The following CCAR1 variants were observed in gnomAD, a reference collection of about 807,000 sequenced individuals.
CCAR1 encodes cell division cycle and apoptosis regulator 1.
A neutral mutation model predicts 163.8 loss-of-function variants in CCAR1; 78 were observed. The observed-to-expected ratio is 0.48, with a 90% CI of 0.40 to 0.57. The LOEUF (loss-of-function observed/expected upper bound fraction) is 0.57. Among genes scored for constraint, CCAR1 ranks in the 20% least tolerant of loss-of-function variants. CCAR1 has a pLI of 0.00. For missense variants in CCAR1, 1,019 were observed against 1,365.2 expected, an observed-to-expected ratio of 0.75 and a Z score of 4.00; for synonymous variants, 443 against 460.7, an observed-to-expected ratio of 0.96 and a Z score of 0.49.
At chr10:68,750,084 T>TA (rs1292435133) in intron 10 of CCAR1, among the ~76,000 whole-genome samples, 1 of 152,168 alleles carries the variant, frequency 6.6e-6, no homozygotes, top group Non-Finnish European at 1.5e-5. Flanking sequence ...GAAACATTGA[T>TA]ATGCGTATAT....
intron 19 of CCAR1, among the ~76,000 whole-genome samples, chr10:68,779,781 A>G (rs763617343): frequency 2.6e-5 from 4 of 152,224 alleles, no homozygotes; most frequent in African/African-American, 7.2e-5. Context: ...TATGGAATCA[A>G]TCTGAATAGG....
intron 16 of CCAR1, among the ~76,000 whole-genome samples, chr10:68,761,675 T>C (rs2056472783): frequency 6.6e-6 from 1 of 151,670 alleles, no homozygotes; most frequent in African/African-American, 2.4e-5. Flanking sequence ...CGATCTTGGC[T>C]CACCACAACC....
At position 68,792,055 on chromosome 10, in the gene CCAR1, GAGTGAAACTCCATCTCAAAA is replaced by G. The variant is rs1326827579; in HGVS notation, c.*792_*811del. The G allele has an allele frequency of 6.7e-6, 1 of 149,056 alleles. No homozygotes were observed. The highest frequency in any genetic ancestry group is 1.5e-5 in the Non-Finnish European group (1 of 67,562). 9.2% of individuals were successfully genotyped at this position (149,056 alleles called of 1,614,324 possible). A position where few individuals can be genotyped will look rare whatever the true frequency, so the allele number is the denominator to read the frequency against. Reference sequence around the variant, plus strand: ...AGCTACACTCCAGCCTGGGCGACAAGAGTGAAACTCCATCTCAAAAAGAAAAAAAAAAAAAATCAGTTTAT... The same window carrying G: ...AGCTACACTCCAGCCTGGGCGACAAGAGAAAAAAAAAAAAAATCAGTTTAT... On this transcript the variant is annotated 3_prime_UTR_variant, in exon 25 of 25. Coordinates refer to ENST00000265872, the MANE Select transcript of CCAR1 (RefSeq NM_018237.4).
intron 6 of CCAR1, among the ~76,000 whole-genome samples, chr10:68,742,967 C>T (rs1322977605): frequency 6.6e-6 from 1 of 151,656 alleles, no homozygotes; most frequent in African/African-American, 2.4e-5. Context: ...GAGCCTCACT[C>T]GGTTGCCAAG....
At chr10:68,741,322 G>A (rs2056181240) in intron 5 of CCAR1, among the ~76,000 whole-genome samples, 1 of 152,146 alleles carries the variant, frequency 6.6e-6, no homozygotes, top group East Asian at 1.9e-4. Flanking sequence ...AGCAGGGAAA[G>A]TTATTGTGTG....
chr10:68,757,156 T>C, intron 14 of CCAR1, 138 bp from the exon 15 acceptor site: 1 of 561,788 alleles, frequency 1.8e-6, no homozygotes, highest in East Asian at 3.2e-5. Flanking sequence ...TACGTGGACT[T>C]GCCTAAATAA....
chr10:68,728,845 C>T (rs1025514387), intron 2 of CCAR1, among the ~76,000 whole-genome samples: 1 of 151,810 alleles, frequency 6.6e-6, no homozygotes, highest in Non-Finnish European at 1.5e-5. Flanking sequence ...ATCTCAGCTA[C>T]TTGGGAGGCT....
At position 68,771,380 on chromosome 10, in the gene CCAR1, C is replaced by T; in HGVS notation, c.2473C>T (p.Pro825Ser). 3.1e-6 allele frequency: 5 copies of T among 1,594,516 alleles called. No homozygotes were observed. Among genetic ancestry groups the T allele is most frequent in the Non-Finnish European group, 4.3e-6 (5 of 1,169,970 alleles). ...KEERDDETDE[P>S]KPKRRKSGDD... ...AGAAAGAGATGATGAAACTGATGAA[C>T]CAAAACCCAAACGGAGAAAATCAGG... The change falls in exon 18 of 25, where the codon CCA (proline) becomes TCA (serine). Residue 825 changes from proline (P) to serine (S), a missense_variant. Pro to Ser is a moderately conservative substitution (Grantham distance 74). Coordinates refer to ENST00000265872, the MANE Select transcript of CCAR1 (RefSeq NM_018237.4).
Position 68,737,829 on chromosome 10 carries a change from T to C in CCAR1, c.247-16T>C, listed in dbSNP as rs772896062. On this transcript the variant is annotated splice_polypyrimidine_tract_variant and intron_variant, in intron 3 of 24. Transcript: ENST00000265872. ...GTCTGTATTTTTCTTTGAAAAATTT[T>C]TTTTTAATCTTTCAGCAATATTCAC... 1.9e-6 allele frequency: 3 copies of C among 1,555,984 alleles called. No homozygotes were observed. The highest frequency in any genetic ancestry group is 2.6e-6 in the Non-Finnish European group (3 of 1,144,222).
At chr10:68,759,904 A>G (rs1254994609) in intron 15 of CCAR1, among the ~76,000 whole-genome samples, 1 of 152,036 alleles carries the variant, frequency 6.6e-6, no homozygotes, top group African/African-American at 2.4e-5. Context: ...GTGTGATGAG[A>G]GTTCACTGTA....
In CCAR1 at chr10:68,761,203, A is replaced by G. The variant is rs752415663; in HGVS notation, c.2106+11A>G. 3 of 1,536,552 alleles carry G rather than the reference A, an allele frequency of 2.0e-6. No individual in the cohort carries two copies. The highest frequency in any genetic ancestry group is 2.6e-6 in the Non-Finnish European group (3 of 1,132,268). On this transcript the variant is annotated intron_variant, in intron 16 of 24. Coordinates refer to ENST00000265872, the MANE Select transcript of CCAR1 (RefSeq NM_018237.4). ...GAAGACGATAAAGAGGTATGTACTC[A>G]ATCTATTATTATACTCTATGGTATT...
At position 68,749,199 on chromosome 10, in the gene CCAR1, C is replaced by T; in HGVS notation, c.890C>T (p.Pro297Leu). The change falls in exon 9 of 25, where the codon CCC (proline) becomes CTC (leucine). Residue 297 changes from proline (P) to leucine (L), a missense_variant. Around this residue, in one of 4 missense-constraint regions of CCAR1, gnomAD observed 644 missense variants for 904.4 expected, o/e 0.71. Transcript: ENST00000265872. ...CCACAACCGGCACGACGATTAGATC[C>T]CCCATCCCGATTTTCAGGAAGAAAT... ...SQPQPARRLD[P>L]PSRFSGRNDR... 1.2e-6 allele frequency: 2 copies of T among 1,613,378 alleles called. No individual in the cohort carries two copies. Among genetic ancestry groups the T allele is most frequent in the Non-Finnish European group, 1.7e-6 (2 of 1,179,790 alleles).
At chr10:68,745,935 CCA>C (rs2056248145) in intron 6 of CCAR1, among the ~76,000 whole-genome samples, 2 of 151,966 alleles carry the variant, frequency 1.3e-5, no homozygotes, top group East Asian at 3.9e-4. Flanking sequence ...CTGTACCTGG[CCA>C]TCTACTTTTT....
intron 2 of CCAR1, among the ~76,000 whole-genome samples, chr10:68,731,585 G>A: frequency 1.0e-5 from 1 of 99,640 alleles, no homozygotes; most frequent in East Asian, 2.9e-4. Flanking sequence ...AAATTGTCTT[G>A]TTTCTGTTTT....
intron 6 of CCAR1, among the ~76,000 whole-genome samples, chr10:68,745,819 A>T (rs2056246138): frequency 6.6e-6 from 1 of 151,742 alleles, no homozygotes; most frequent in Non-Finnish European, 1.5e-5. Flanking sequence ...ACTAATTTTT[A>T]AATTTTTTGT....
At chr10:68,765,711 A>G (rs1198932737) in intron 16 of CCAR1, among the ~76,000 whole-genome samples, 177 bp from the exon 17 acceptor site, 1 of 152,184 alleles carries the variant, frequency 6.6e-6, no homozygotes, top group South Asian at 2.1e-4. Flanking sequence ...TACTACTCTT[A>G]GTGAATTTGA....
At chr10:68,758,201 C>T (rs537225147) in intron 15 of CCAR1, among the ~76,000 whole-genome samples, 9 of 151,874 alleles carry the variant, frequency 5.9e-5, no homozygotes, top group South Asian at 4.2e-4. Context: ...ATTACAGGCA[C>T]GTACAACCAT....
At chr10:68,735,513 T>C (rs1283935612) in intron 2 of CCAR1, among the ~76,000 whole-genome samples, 1 of 151,500 alleles carries the variant, frequency 6.6e-6, no homozygotes, top group Non-Finnish European at 1.5e-5. Context: ...AGAATGATCC[T>C]CCTATCTCAG....
intron 19 of CCAR1, among the ~76,000 whole-genome samples, chr10:68,779,727 TATC>T (rs747737630): frequency 6.6e-6 from 1 of 152,184 alleles, no homozygotes; most frequent in African/African-American, 2.4e-5. Flanking sequence ...TCCTTTAAAA[TATC>T]AACATGAGTG....
Sources: allele counts gnomAD v4.1 joint callset (sites outside exome capture counted in the v4.1 genomes callset), GRCh38; gene constraint gnomAD v4.1.1; regional missense constraint gnomAD v4.1.1; transcripts MANE v1.5; gene names NCBI Gene and HGNC (gene_info 2026-07-23, HGNC 2026-07-21).